Variants in SCAI observed in about 807,000 individuals in gnomAD.
The protein encoded by SCAI is protein SCAI.
SCAI carries 24 observed loss-of-function variants against 92.2 expected under a neutral mutation model. That is an observed-to-expected ratio of 0.26 (90% confidence interval 0.19 to 0.37). The LOEUF (loss-of-function observed/expected upper bound fraction) is 0.37, where lower values mean the gene tolerates loss of function less well. Ranked by LOEUF, SCAI falls within the 10% of genes least tolerant of loss-of-function variation. The pLI is 1.00. For synonymous variants in SCAI, 261 were observed against 258.6 expected, an observed-to-expected ratio of 1.01 and a Z score of -0.09; for missense variants, 450 against 736.2, an observed-to-expected ratio of 0.61 and a Z score of 4.50.
At chr9:124,958,820 T>C (rs1241465488) in intron 17 of SCAI, among the ~76,000 whole-genome samples, 1 of 151,440 alleles carries the variant, frequency 6.6e-6, no homozygotes, top group African/African-American at 2.4e-5. Context: ...GGAAGGAGAA[T>C]TGCTTGAATC....
intron 2 of SCAI, among the ~76,000 whole-genome samples, chr9:125,077,325 T>A (rs935914326): frequency 2.6e-5 from 4 of 152,250 alleles, no homozygotes; most frequent in African/African-American, 9.6e-5. Context: ...CTCTATTGTA[T>A]GGATATGCCA....
intron 17 of SCAI, chr9:124,968,839 G>GCCGCGGGGCCAATTCTGCTGC (rs1831595674): frequency 3.1e-6 from 2 of 643,816 alleles, no homozygotes; most frequent in Non-Finnish European, 5.6e-6. Context: ...AATTCTGCTG[G>GCCGCGGGGCCAATTCTGCTGC]CCGCAGGGCC....
intron 17 of SCAI, among the ~76,000 whole-genome samples, chr9:124,953,584 C>T (rs146476611): frequency 3.3e-5 from 5 of 152,224 alleles, no homozygotes; most frequent in African/African-American, 1.2e-4. Flanking sequence ...TGAGATCACG[C>T]CATTGCACTC....
In SCAI at chr9:125,003,116, T is replaced by A; in HGVS notation, c.1063A>T (p.Lys355Ter). The A allele has an allele frequency of 6.2e-7, 1 of 1,607,578 alleles. No individual in the cohort carries two copies. The highest frequency in any genetic ancestry group is 8.5e-7 in the Non-Finnish European group (1 of 1,173,994). The part of the protein sequence containing the change: ...QLYTFLAASF[K>*]ELPANSVLLI... ...AAAAAGTACTGGATCACACATACCT[T>A]AAAAGACGCTGCTAAGAAGGTATAT... is the stretch of plus-strand genomic sequence containing the variant. The change falls in exon 11 of 18, where the codon AAG (lysine) becomes TAG (stop). Residue 355 changes from lysine (K) to a stop codon, truncating the protein, a stop_gained and splice_region_variant. Transcript: ENST00000336505. LOFTEE classifies it high-confidence loss of function.
At chr9:125,052,503 T>C (rs933672101) in intron 3 of SCAI, among the ~76,000 whole-genome samples, 3 of 151,730 alleles carry the variant, frequency 2.0e-5, no homozygotes, top group East Asian at 1.9e-4. Flanking sequence ...GGAGAATCGC[T>C]TGGAGGCAGG....
chr9:124,957,284 T>C (rs1408763524), intron 17 of SCAI, among the ~76,000 whole-genome samples: 1 of 152,078 alleles, frequency 6.6e-6, no homozygotes, highest in Admixed American at 6.5e-5. Context: ...TGAGCCAGCA[T>C]ACCCAGCCAC....
At chr9:125,138,380 C>T (rs1484588736) in intron 2 of SCAI, among the ~76,000 whole-genome samples, 1 of 151,104 alleles carries the variant, frequency 6.6e-6, no homozygotes, top group African/African-American at 2.4e-5. Context: ...CTCAGCCTCC[C>T]GAGTAGCTGG....
chr9:125,037,250 A>G lies in SCAI; in HGVS notation c.231-7511T>C, dbSNP rs1195124841. Among the ~76,000 whole-genome samples, 8 of 150,414 alleles carry G rather than the reference A, an allele frequency of 5.3e-5. No individual in the cohort carries two copies. In the East Asian group the frequency reaches 1.4e-3, roughly 26 times the overall value. Reference sequence around the variant, plus strand: ...CACCACTGCACTCCAGGCCTGGGCAACAAGAGCAAAACTTTGTCGATTAAA... The same window carrying G: ...CACCACTGCACTCCAGGCCTGGGCAGCAAGAGCAAAACTTTGTCGATTAAA... On this transcript the variant is annotated intron_variant, in intron 3 of 17. Coordinates refer to ENST00000336505, the MANE Select transcript of SCAI (RefSeq NM_001144877.3).
intron 2 of SCAI, among the ~76,000 whole-genome samples, chr9:125,090,736 C>G (rs916615122): frequency 2.0e-5 from 3 of 152,148 alleles, no homozygotes; most frequent in African/African-American, 4.8e-5. Context: ...GCCTCCCAAA[C>G]TGCTGGGATT....
intron 14 of SCAI, among the ~76,000 whole-genome samples, chr9:124,989,002 G>A (rs1365420536): frequency 6.6e-6 from 1 of 152,068 alleles, no homozygotes; most frequent in Non-Finnish European, 1.5e-5. Flanking sequence ...AGCTGGGTGT[G>A]GTAGCGCATG....
At chr9:125,130,936 C>CCTTTT (rs1554718667) in intron 2 of SCAI, among the ~76,000 whole-genome samples, 1 of 77,274 alleles carries the variant, frequency 1.3e-5, no homozygotes, top group South Asian at 4.4e-4. Context: ...GTTTGAACCG[C>CCTTTT]TTTTTTTTTT....
chr9:125,138,422 ATTT>A (rs1472763859), intron 2 of SCAI, among the ~76,000 whole-genome samples: 2 of 142,786 alleles, frequency 1.4e-5, no homozygotes, highest in African/African-American at 5.1e-5. Flanking sequence ...CGCCCAGCCA[ATTT>A]TTTTTTTTTG....
intron 2 of SCAI, among the ~76,000 whole-genome samples, chr9:125,080,102 A>C (rs980042384): frequency 1.3e-5 from 2 of 152,196 alleles, no homozygotes; most frequent in Non-Finnish European, 2.9e-5. Context: ...TGTAGCTGGA[A>C]GGAGGAAGAA....
In SCAI at chr9:124,943,466, C is replaced by G. The variant is rs1032563839; in HGVS notation, c.*9341G>C. 4 of 152,170 alleles carry G rather than the reference C, an allele frequency of 2.6e-5. No individual in the cohort carries two copies. Among genetic ancestry groups the G allele is most frequent in the Admixed American group, 6.5e-5 (1 of 15,278 alleles). 9.4% of individuals were successfully genotyped at this position (152,170 alleles called of 1,614,324 possible). A position where few individuals can be genotyped will look rare whatever the true frequency, so the allele number is the denominator to read the frequency against. On this transcript the variant is annotated 3_prime_UTR_variant, in exon 18 of 18. Transcript: ENST00000336505. ...TTATTTGCACGACAGATTAGCAGCA[C>G]TTGGATAAGAATTGTTACATGAAAA... is the stretch of plus-strand genomic sequence containing the variant.
chr9:125,143,525 A>G lies in SCAI; in HGVS notation c.-88T>C, dbSNP rs1835727201. The G allele has an allele frequency of 8.8e-7, 1 of 1,140,220 alleles. No homozygotes were observed. The highest frequency in any genetic ancestry group is 1.1e-6 in the Non-Finnish European group (1 of 885,190). 70.6% of individuals were successfully genotyped at this position (1,140,220 alleles called of 1,614,324 possible). On this transcript the variant is annotated 5_prime_UTR_variant, in exon 1 of 18. Coordinates refer to ENST00000336505, the MANE Select transcript of SCAI (RefSeq NM_001144877.3). ...GCGGCGGAGGCTGGAGTAGGCGGAGAGGCGGGAGGAGGGCCTCGCGCCTCT... is the reference window on the plus strand; with the variant it reads ...GCGGCGGAGGCTGGAGTAGGCGGAGGGGCGGGAGGAGGGCCTCGCGCCTCT...
At chr9:125,086,257 T>C (rs1353023199) in intron 2 of SCAI, among the ~76,000 whole-genome samples, 2 of 152,202 alleles carry the variant, frequency 1.3e-5, no homozygotes, top group Non-Finnish European at 2.9e-5. Flanking sequence ...TTGAACACTG[T>C]TTCCAGGCAA....
intron 2 of SCAI, among the ~76,000 whole-genome samples, chr9:125,097,060 C>T (rs1282885780): frequency 6.6e-6 from 1 of 152,056 alleles, no homozygotes; most frequent in Non-Finnish European, 1.5e-5. Context: ...TTCTACTCAT[C>T]AATGAGAAAA....
intron 9 of SCAI, among the ~76,000 whole-genome samples, chr9:125,008,325 C>G (rs895604227): frequency 6.6e-6 from 1 of 152,030 alleles, no homozygotes; most frequent in Non-Finnish European, 1.5e-5. Context: ...TTAGTAGAGA[C>G]AGGGTTTCAC....
chr9:124,971,447 C>A lies in SCAI; in HGVS notation c.1597G>T (p.Gly533Ter). The A allele has an allele frequency of 6.2e-7, 1 of 1,611,108 alleles. No individual in the cohort carries two copies. Among genetic ancestry groups the A allele is most frequent in the Non-Finnish European group, 8.5e-7 (1 of 1,178,766 alleles). ...SIDQAFLQFFGDEFLRLLLTR... is the reference protein window; with the variant it reads ...SIDQAFLQFF ...AGGAGCAAGCGAAGAAATTCATCTC[C>A]AAAAAACTGGAGAAATGCCTGATCT... Residue 533 changes from glycine (G) to a stop codon, truncating the protein, a stop_gained, in exon 17 of 18, where the codon GGA becomes TGA. Transcript: ENST00000336505. LOFTEE classifies it high-confidence loss of function.
Sources: gnomAD v4.1 joint callset for allele counts (sites outside exome capture counted in the v4.1 genomes callset) on GRCh38, gnomAD v4.1.1 for gene constraint, MANE v1.5 for transcripts, NCBI Gene and HGNC (gene_info 2026-07-23, HGNC 2026-07-21) for gene names.